The following BCL2 variants were observed in gnomAD, a reference collection of about 807,000 sequenced individuals.
The protein encoded by BCL2 is apoptosis regulator Bcl-2.
A neutral mutation model predicts 14.2 loss-of-function variants in BCL2; 1 was observed. That is an observed-to-expected ratio of 0.07 (90% CI 0.02 to 0.33). The LOEUF is 0.33. BCL2 is among the 10% of genes least tolerant of loss of function. The pLI is 0.99. For missense variants in BCL2, 247 were observed against 305.9 expected, an observed-to-expected ratio of 0.81 and a Z score of 1.44; for synonymous variants, 151 against 137.2, an observed-to-expected ratio of 1.10 and a Z score of -0.70.
chr18:63,256,653 C>A (rs78405287), intron 2 of BCL2, among the ~76,000 whole-genome samples: 1 of 152,148 alleles, frequency 6.6e-6, no homozygotes, highest in Non-Finnish European at 1.5e-5. Flanking sequence ...TGTGAGCTAG[C>A]TCAGCTTACA....
intron 2 of BCL2, among the ~76,000 whole-genome samples, chr18:63,295,988 C>A (rs1912785761): frequency 6.6e-6 from 1 of 152,158 alleles, no homozygotes; most frequent in Admixed American, 6.5e-5. Context: ...TCACCCTGAC[C>A]CTGCCCTTCC....
intron 2 of BCL2, among the ~76,000 whole-genome samples, chr18:63,266,606 C>T (rs1018229697): frequency 1.3e-4 from 2 of 15,368 alleles, no homozygotes; most frequent in African/African-American, 2.1e-4. Flanking sequence ...GAACATAAAT[C>T]TCTCTCTCTC....
rs1366999802 is a variant in BCL2 at position 63,149,902 on chromosome 18, G to A, written c.586-21143C>T. Among the ~76,000 whole-genome samples, 4 of 151,114 alleles carry A rather than the reference G, an allele frequency of 2.6e-5. No homozygotes were observed. Among genetic ancestry groups the A allele is most frequent in the South Asian group, 4.2e-4 (2 of 4,792 alleles). On this transcript the variant is annotated intron_variant, in intron 2 of 2. Transcript: ENST00000333681. This position sits in a 1 kb window ranked among gnomAD's most constrained non-coding sequence, Gnocchi z 4.2. Reference sequence around the variant, plus strand: ...ATTTATTTATTTATTTTGAGACAGCGTCTCCCTCTGTCAGTTACCCAGGCT... The same window carrying A: ...ATTTATTTATTTATTTTGAGACAGCATCTCCCTCTGTCAGTTACCCAGGCT...
At chr18:63,178,899 C>CAAAAAAAA (rs111876869) in intron 2 of BCL2, among the ~76,000 whole-genome samples, 1 of 132,920 alleles carries the variant, frequency 7.5e-6, no homozygotes, top group Non-Finnish European at 1.6e-5. Context: ...GGGTTCAAGG[C>CAAAAAAAA]AAAAAAAAAA....
intron 2 of BCL2, among the ~76,000 whole-genome samples, chr18:63,276,324 T>C (rs1318791208): frequency 6.6e-6 from 1 of 150,448 alleles, no homozygotes; most frequent in African/African-American, 2.4e-5. Flanking sequence ...TCTCATTACA[T>C]GCAAACAAAA....
intron 2 of BCL2, among the ~76,000 whole-genome samples, chr18:63,273,762 A>G (rs937133170): frequency 1.3e-5 from 2 of 150,188 alleles, no homozygotes; most frequent in Non-Finnish European, 3.0e-5. Context: ...CTCACGCCTG[A>G]CTCCTCCCTC....
At chr18:63,175,662 C>T (rs929403623) in intron 2 of BCL2, among the ~76,000 whole-genome samples, 1 of 152,194 alleles carries the variant, frequency 6.6e-6, no homozygotes, top group Non-Finnish European at 1.5e-5. Flanking sequence ...GATTCAAAGT[C>T]AGATTTCCCA....
intron 2 of BCL2, among the ~76,000 whole-genome samples, chr18:63,156,033 G>T (rs1027138318): frequency 4.0e-5 from 5 of 124,146 alleles, no homozygotes; most frequent in Non-Finnish European, 6.4e-5. Context: ...TAAGACCAGA[G>T]ATCATTTTAG....
intron 2 of BCL2, among the ~76,000 whole-genome samples, chr18:63,254,513 T>A (rs1911413217): frequency 6.7e-6 from 1 of 149,326 alleles, no homozygotes; most frequent in Non-Finnish European, 1.5e-5. Context: ...TGAAATCATG[T>A]CACTGCACTC....
chr18:63,266,597 A>C (rs1452799267), intron 2 of BCL2, among the ~76,000 whole-genome samples: 1 of 143,374 alleles, frequency 7.0e-6, no homozygotes, highest in African/African-American at 2.6e-5. Context: ...ACCAATTTGG[A>C]ACATAAATCT....
At chr18:63,305,352 CG>C (rs1568264610) in intron 2 of BCL2, among the ~76,000 whole-genome samples, 2 of 152,154 alleles carry the variant, frequency 1.3e-5, no homozygotes, top group Admixed American at 1.3e-4. Flanking sequence ...GAAATATCTA[CG>C]GGATTCCCAA....
At chr18:63,211,123 T>A (rs995947066) in intron 2 of BCL2, among the ~76,000 whole-genome samples, 1 of 133,136 alleles carries the variant, frequency 7.5e-6, no homozygotes, top group Non-Finnish European at 1.5e-5. Context: ...CAGGCTGGAG[T>A]GCAGTGGTGC....
At chr18:63,186,001 G>A (rs971009256) in intron 2 of BCL2, among the ~76,000 whole-genome samples, 7 of 152,204 alleles carry the variant, frequency 4.6e-5, no homozygotes, top group East Asian at 1.9e-4. Context: ...TCCCTCACTC[G>A]TAGGGGAGTG....
At chr18:63,210,681 AGAATGAGT>A (rs1212393428) in intron 2 of BCL2, among the ~76,000 whole-genome samples, 2 of 152,260 alleles carry the variant, frequency 1.3e-5, no homozygotes, top group Admixed American at 6.5e-5. Flanking sequence ...CATATGTCTG[AGAATGAGT>A]TTATCTAGCC....
chr18:63,142,082 G>A (rs1398956121), intron 2 of BCL2, among the ~76,000 whole-genome samples: 1 of 152,188 alleles, frequency 6.6e-6, no homozygotes, highest in Non-Finnish European at 1.5e-5. Flanking sequence ...TTTATTAAAC[G>A]TGGAGGGCCA....
intron 2 of BCL2, among the ~76,000 whole-genome samples, chr18:63,160,093 A>G (rs1441466366): frequency 6.6e-6 from 1 of 152,212 alleles, no homozygotes; most frequent in Non-Finnish European, 1.5e-5. Flanking sequence ...GATATGCAGC[A>G]TTTCCATCCT....
intron 2 of BCL2, among the ~76,000 whole-genome samples, chr18:63,261,028 G>C (rs986978668): frequency 1.3e-5 from 2 of 152,150 alleles, no homozygotes; most frequent in South Asian, 2.1e-4. Flanking sequence ...ATTCCTTCTC[G>C]AGGGGCTGCT....
chr18:63,245,939 A>T (rs1170279749), intron 2 of BCL2, among the ~76,000 whole-genome samples: 2 of 152,156 alleles, frequency 1.3e-5, no homozygotes, highest in African/African-American at 2.4e-5. Context: ...CAGTATTTTT[A>T]AGTATTTTCC....
intron 2 of BCL2, among the ~76,000 whole-genome samples, chr18:63,146,355 G>A (rs956876961): frequency 3.3e-5 from 5 of 152,388 alleles, no homozygotes; most frequent in East Asian, 1.9e-4. Flanking sequence ...GACGCTGGTC[G>A]TGGACACTGA....
Sources: allele counts gnomAD v4.1 joint callset (sites outside exome capture counted in the v4.1 genomes callset), GRCh38; gene constraint gnomAD v4.1.1; non-coding constraint Gnocchi (gnomAD v3.1); transcripts MANE v1.5; gene names NCBI Gene and HGNC (gene_info 2026-07-23, HGNC 2026-07-21).